Variants in GPC6 observed in about 807,000 individuals in gnomAD.
The protein encoded by GPC6 is glypican-6.
In GPC6, 14 loss-of-function variants were observed where a neutral mutation model predicts 55.2. The observed-to-expected ratio is 0.25, with a 90% CI of 0.17 to 0.40. The LOEUF (loss-of-function observed/expected upper bound fraction) is 0.40, where lower values mean the gene tolerates loss of function less well. Among genes scored for constraint, GPC6 ranks in the 10% least tolerant of loss-of-function variants. The pLI, the probability that GPC6 is intolerant of heterozygous loss-of-function variation, is 1.00. For synonymous variants in GPC6, 278 were observed against 259.6 expected (o/e 1.07, Z -0.68); for missense variants, 641 against 708.5 (o/e 0.90, Z 1.08).
intron 1 of GPC6, among the ~76,000 whole-genome samples, chr13:93,534,317 T>C (rs1057411430): frequency 6.6e-6 from 1 of 152,256 alleles, no homozygotes; most frequent in Non-Finnish European, 1.5e-5. Flanking sequence ...AACTTCCCTC[T>C]GCGCTCCAGA....
intron 4 of GPC6, among the ~76,000 whole-genome samples, chr13:94,197,838 A>G (rs1889627624): frequency 1.3e-5 from 2 of 152,312 alleles, no homozygotes; most frequent in South Asian, 4.1e-4. Flanking sequence ...TAATGAATAA[A>G]CAATTTTACC....
At chr13:94,355,208 G>C (rs988301288) in intron 6 of GPC6, among the ~76,000 whole-genome samples, 1 of 152,058 alleles carries the variant, frequency 6.6e-6, no homozygotes, top group African/African-American at 2.4e-5. Context: ...ATTTTTAGTA[G>C]AGACAGGGTT....
rs114866049 is a variant in GPC6 at position 93,665,012 on chromosome 13, A to G, written c.319+119591A>G. Among the ~76,000 whole-genome samples, 1,114 of 152,360 alleles carry G rather than the reference A, an allele frequency of 7.3e-3. 11 individuals are homozygous for G. Among genetic ancestry groups the G allele is most frequent in the African/African-American group, 0.025 (1,036 of 41,578 alleles). ...ATATACTTCTCTTCAAAGTGAATGT[A>G]GCTTCATTATTTTCAGAGGCCCAAT... On this transcript the variant is annotated intron_variant, in intron 2 of 8. Transcript: ENST00000377047.
At chr13:94,196,352 C>A (rs1889576637) in intron 4 of GPC6, among the ~76,000 whole-genome samples, 2 of 151,964 alleles carry the variant, frequency 1.3e-5, no homozygotes, top group South Asian at 4.1e-4. Context: ...AACCACAAAG[C>A]CAAGCGCATG....
intron 1 of GPC6, among the ~76,000 whole-genome samples, chr13:93,387,749 T>C (rs970564714): frequency 6.6e-6 from 1 of 152,212 alleles, no homozygotes; most frequent in Admixed American, 6.5e-5. Flanking sequence ...CAAACTCTTG[T>C]GATGGAGACT....
intron 4 of GPC6, among the ~76,000 whole-genome samples, chr13:94,246,843 G>T (rs1891211852): frequency 2.0e-5 from 3 of 151,880 alleles, no homozygotes; most frequent in Non-Finnish European, 4.4e-5. Flanking sequence ...AATCGTTGTG[G>T]CTATTTAGGG....
intron 4 of GPC6, among the ~76,000 whole-genome samples, chr13:94,106,872 G>A (rs1472442008): frequency 6.6e-6 from 1 of 152,124 alleles, no homozygotes; most frequent in African/African-American, 2.4e-5. Flanking sequence ...ATGACTGAAA[G>A]TTTTATGGAA....
chr13:94,050,288 C>G (rs1883896380), intron 4 of GPC6, among the ~76,000 whole-genome samples: 1 of 152,128 alleles, frequency 6.6e-6, no homozygotes, highest in Non-Finnish European at 1.5e-5. Context: ...CTGTTAACTT[C>G]TGCTTTCTTC....
chr13:93,973,357 T>C (rs1161158824), intron 3 of GPC6, among the ~76,000 whole-genome samples: 1 of 152,218 alleles, frequency 6.6e-6, no homozygotes, highest in African/African-American at 2.4e-5. Context: ...AGTCCATCAT[T>C]GACCAAAACG....
At chr13:93,847,962 C>A (rs7329264) in intron 3 of GPC6, among the ~76,000 whole-genome samples, 64,159 of 151,810 alleles carry the variant, frequency 0.42, 14,808 homozygotes, top group African/African-American at 0.6. Context: ...AGAATATGTA[C>A]ATGGATTTAT....
At chr13:93,444,658 C>T (rs780092855) in intron 1 of GPC6, among the ~76,000 whole-genome samples, 2 of 152,154 alleles carry the variant, frequency 1.3e-5, no homozygotes, top group Non-Finnish European at 2.9e-5. Context: ...GTAAAGCAAA[C>T]AAAGAAATAT....
At chr13:93,275,313 C>T (rs1464380225) in intron 1 of GPC6, among the ~76,000 whole-genome samples, 1 of 152,052 alleles carries the variant, frequency 6.6e-6, no homozygotes, top group Non-Finnish European at 1.5e-5. Flanking sequence ...TGCACATGTG[C>T]AACATGTACA....
At chr13:93,580,327 A>T (rs1240021489) in intron 2 of GPC6, among the ~76,000 whole-genome samples, 1 of 152,226 alleles carries the variant, frequency 6.6e-6, no homozygotes, top group African/African-American at 2.4e-5. Context: ...ATTGAAGGTT[A>T]GGATTTTACA....
At chr13:94,257,508 T>G (rs1217658032) in intron 4 of GPC6, among the ~76,000 whole-genome samples, 1 of 152,160 alleles carries the variant, frequency 6.6e-6, no homozygotes, top group East Asian at 1.9e-4. Flanking sequence ...GTCAGCCCTC[T>G]CTTAGAAATA....
intron 3 of GPC6, among the ~76,000 whole-genome samples, chr13:93,871,128 G>A (rs1368425422): frequency 1.3e-5 from 2 of 151,876 alleles, no homozygotes; most frequent in Non-Finnish European, 2.9e-5. Context: ...GAGACACAAA[G>A]TATAGCCGAC....
At chr13:94,271,006 C>T (rs1218788889) in intron 4 of GPC6, among the ~76,000 whole-genome samples, 14 of 74,012 alleles carry the variant, frequency 1.9e-4, no homozygotes, top group South Asian at 5.3e-4. Flanking sequence ...TTTTTTTTTT[C>T]TGAGACGGAG....
chr13:93,727,462 C>T (rs923004738), intron 2 of GPC6, among the ~76,000 whole-genome samples: 3 of 152,036 alleles, frequency 2.0e-5, no homozygotes, highest in Non-Finnish European at 2.9e-5. Context: ...AAATAATCTC[C>T]TGAGTGGTCT....
intron 4 of GPC6, among the ~76,000 whole-genome samples, chr13:94,128,361 G>C (rs1477953366): frequency 6.6e-6 from 1 of 152,166 alleles, no homozygotes; most frequent in African/African-American, 2.4e-5. Flanking sequence ...GAGCACAATA[G>C]ATCACTGTAT....
At chr13:94,280,372 T>G (rs1391209577) in intron 4 of GPC6, among the ~76,000 whole-genome samples, 1 of 152,196 alleles carries the variant, frequency 6.6e-6, no homozygotes, top group East Asian at 1.9e-4. Flanking sequence ...GTCATTCAGA[T>G]CCTGGCTTAT....
Sources: gnomAD v4.1 joint callset for allele counts (sites outside exome capture counted in the v4.1 genomes callset) on GRCh38, gnomAD v4.1.1 for gene constraint, MANE v1.5 for transcripts, NCBI Gene and HGNC (gene_info 2026-07-23, HGNC 2026-07-21) for gene names.